The following MGAT4C variants were observed in gnomAD, a reference collection of about 807,000 sequenced individuals.
MGAT4C encodes the protein MGAT4 family member C.
MGAT4C carries 19 observed loss-of-function variants against 40.1 expected under a neutral mutation model. The observed-to-expected ratio is 0.47, with a 90% confidence interval of 0.33 to 0.70. MGAT4C has a LOEUF of 0.70. Among genes scored for constraint, MGAT4C ranks in the 30% least tolerant of loss-of-function variants. MGAT4C has a pLI of 0.02. For synonymous variants in MGAT4C, 181 were observed against 187.1 expected (o/e 0.97, Z 0.27); for missense variants, 491 against 563.2 (o/e 0.87, Z 1.30).
At chr12:86,240,861 C>T (rs1951755236) in intron 1 of MGAT4C, among the ~76,000 whole-genome samples, 2 of 152,098 alleles carry the variant, frequency 1.3e-5, no homozygotes, top group Admixed American at 1.3e-4. Flanking sequence ...TGCCTTTTCA[C>T]CCCTTCAGTA....
chr12:86,191,970 C>A (rs1479245948), intron 1 of MGAT4C, among the ~76,000 whole-genome samples: 2 of 149,952 alleles, frequency 1.3e-5, no homozygotes, highest in African/African-American at 4.9e-5. Context: ...TGGAAACCAT[C>A]ATTCTCAGCA....
At chr12:86,424,948 G>A (rs1956897902) in intron 3 of MGAT4C, among the ~76,000 whole-genome samples, 1 of 151,992 alleles carries the variant, frequency 6.6e-6, no homozygotes, top group Non-Finnish European at 1.5e-5. Flanking sequence ...AGTAGAGACG[G>A]GGTTTCACCG....
intron 1 of MGAT4C, among the ~76,000 whole-genome samples, chr12:86,164,794 G>A (rs1228654645): frequency 1.3e-5 from 2 of 152,146 alleles, no homozygotes; most frequent in African/African-American, 4.8e-5. Context: ...TGTTGCTAGA[G>A]AGGAAGGCAG....
intron 3 of MGAT4C, among the ~76,000 whole-genome samples, chr12:86,347,798 C>A (rs922479740): frequency 1.3e-5 from 2 of 152,144 alleles, no homozygotes; most frequent in Non-Finnish European, 2.9e-5. Flanking sequence ...ATTCCTGACA[C>A]TTTTATTACA....
intron 2 of MGAT4C, among the ~76,000 whole-genome samples, chr12:86,586,211 T>C (rs1014742305): frequency 1.4e-5 from 2 of 140,340 alleles, no homozygotes; most frequent in Middle Eastern, 3.3e-3. Context: ...TTTGGTTTTT[T>C]GTTCTTGCGA....
At chr12:86,178,000 G>A (rs768819506) in intron 1 of MGAT4C, among the ~76,000 whole-genome samples, 3 of 152,014 alleles carry the variant, frequency 2.0e-5, no homozygotes, top group African/African-American at 4.8e-5. Flanking sequence ...GCAGTGGCGC[G>A]ATATTGGCTC....
At chr12:86,553,276 T>C (rs1237144777) in intron 2 of MGAT4C, among the ~76,000 whole-genome samples, 2 of 152,146 alleles carry the variant, frequency 1.3e-5, no homozygotes, top group African/African-American at 4.8e-5. Flanking sequence ...ATATTCTATA[T>C]TGACCTTGGG....
chr12:86,760,807 T>A (rs1319860425), intron 1 of MGAT4C, among the ~76,000 whole-genome samples: 1 of 152,054 alleles, frequency 6.6e-6, no homozygotes, highest in East Asian at 1.9e-4. Context: ...CACAAATGAA[T>A]CTCAAAGTAA....
chr12:86,406,777 T>C (rs1364269482), intron 3 of MGAT4C, among the ~76,000 whole-genome samples: 1 of 152,024 alleles, frequency 6.6e-6, no homozygotes, highest in African/African-American at 2.4e-5. Flanking sequence ...AAGGATGAGA[T>C]AAACTTTTTT....
intron 1 of MGAT4C, among the ~76,000 whole-genome samples, chr12:86,100,655 T>C (rs1874829179): frequency 6.6e-6 from 1 of 151,564 alleles, no homozygotes; most frequent in Non-Finnish European, 1.5e-5. Context: ...TCATAATTGG[T>C]AAATTTAAAT....
chr12:86,789,045 T>TA (rs1951980592), intron 1 of MGAT4C, among the ~76,000 whole-genome samples: 1 of 152,062 alleles, frequency 6.6e-6, no homozygotes, highest in Admixed American at 6.6e-5. Context: ...TGAAATAGTA[T>TA]AAAAGGTTAA....
intron 4 of MGAT4C, among the ~76,000 whole-genome samples, chr12:86,320,947 A>G (rs1158688678): frequency 2.6e-5 from 4 of 152,160 alleles, no homozygotes; most frequent in Non-Finnish European, 4.4e-5. Flanking sequence ...AATTTGCACT[A>G]TTTAATCCCA....
chr12:86,171,366 T>A lies in MGAT4C; in HGVS notation c.-57+84873A>T, dbSNP rs185328437. Among the ~76,000 whole-genome samples the A allele has an allele frequency of 2.5e-3, 375 of 152,016 alleles. 1 individual carries two copies. Among genetic ancestry groups the A allele is most frequent in the African/African-American group, 7.4e-3 (309 of 41,480 alleles). ...CCTGGGCAACAAGAGTGAAATTCCA[T>A]CTCAAAAAAATAAATAAATAAATAG... On this transcript the variant is annotated intron_variant, in intron 1 of 4. Coordinates refer to ENST00000611864, the MANE Select transcript of MGAT4C (RefSeq NM_001351288.2).
chr12:86,366,042 T>A (rs982986417), intron 3 of MGAT4C, among the ~76,000 whole-genome samples: 2 of 152,182 alleles, frequency 1.3e-5, no homozygotes, highest in African/African-American at 4.8e-5. Flanking sequence ...TTTCCATTTA[T>A]TTTTTTCATC....
At chr12:86,066,844 G>T (rs1294568419) in intron 1 of MGAT4C, among the ~76,000 whole-genome samples, 1 of 151,768 alleles carries the variant, frequency 6.6e-6, no homozygotes, top group Non-Finnish European at 1.5e-5. Context: ...AATCAACAAA[G>T]AACTTCAACA....
At chr12:86,806,870 C>T (rs1043272100) in intron 1 of MGAT4C, among the ~76,000 whole-genome samples, 1 of 150,238 alleles carries the variant, frequency 6.7e-6, no homozygotes. Context: ...GTGGGGGTAG[C>T]GGGGGAGGGA....
chr12:86,535,768 T>C (rs965389277), intron 2 of MGAT4C, among the ~76,000 whole-genome samples: 5 of 152,104 alleles, frequency 3.3e-5, no homozygotes, highest in African/African-American at 9.7e-5. Context: ...CTATGTGAAT[T>C]TGGAGTTTGG....
At chr12:86,269,366 T>C (rs975904702) in intron 4 of MGAT4C, among the ~76,000 whole-genome samples, 1 of 151,666 alleles carries the variant, frequency 6.6e-6, no homozygotes, top group Non-Finnish European at 1.5e-5. Context: ...AGTTTATTTT[T>C]TTTTCTTTTG....
intron 2 of MGAT4C, among the ~76,000 whole-genome samples, chr12:86,469,368 C>T (rs963453227): frequency 1.2e-4 from 18 of 152,202 alleles, no homozygotes; most frequent in African/African-American, 3.6e-4. Context: ...TGAAAGACTG[C>T]GACTTCTGTC....
Sources: allele counts gnomAD v4.1 joint callset (sites outside exome capture counted in the v4.1 genomes callset), GRCh38; gene constraint gnomAD v4.1.1; transcripts MANE v1.5; gene names NCBI Gene and HGNC (gene_info 2026-07-23, HGNC 2026-07-21).